The following GALK2 variants were observed in gnomAD, a reference collection of about 807,000 sequenced individuals.
GALK2 encodes N-acetylgalactosamine kinase.
GALK2 carries 36 observed loss-of-function variants against 52.4 expected under a neutral mutation model. The ratio of observed to expected loss-of-function variants is 0.69; its 90% confidence interval spans 0.53 to 0.91. The LOEUF (loss-of-function observed/expected upper bound fraction) is 0.91, where lower values mean the gene tolerates loss of function less well. Ranked by LOEUF, GALK2 falls within the 40% of genes least tolerant of loss-of-function variation. The pLI is 0.00. For synonymous variants in GALK2, 176 were observed against 199.1 expected (o/e 0.88, Z 0.98); for missense variants, 579 against 559.1 (o/e 1.04, Z -0.36).
chr15:49,214,423 C>T lies in GALK2; in HGVS notation c.143-2767C>T, dbSNP rs182669678. ...TCGGCTCACTTCAACCTCTGCCTCC[C>T]GGGTTCAAGCGATTCTCCTGCCTCA... is the stretch of plus-strand genomic sequence containing the variant. On this transcript the variant is annotated intron_variant, in intron 2 of 9. Transcript: ENST00000560031. 1.7e-3 allele frequency among the ~76,000 whole-genome samples: 259 copies of T among 150,122 alleles called. 2 individuals are homozygous for T. Among genetic ancestry groups the T allele is most frequent in the African/African-American group, 5.8e-3 (237 of 40,728 alleles).
At chr15:49,214,881 T>G (rs73392233) in intron 2 of GALK2, among the ~76,000 whole-genome samples, 37,680 of 152,080 alleles carry the variant, frequency 0.25, 4,947 homozygotes, top group African/African-American at 0.31. Context: ...TCAGATTGAA[T>G]AACTCTCTTT....
At chr15:49,311,914 A>G (rs1477759163) in intron 8 of GALK2, among the ~76,000 whole-genome samples, 7 of 152,232 alleles carry the variant, frequency 4.6e-5, no homozygotes, top group Admixed American at 4.6e-4. Context: ...GGCCAATGGT[A>G]GGCACATTCG....
At position 49,328,852 on chromosome 15, in the gene GALK2, T is replaced by C; in HGVS notation, c.*693T>C. 9.6e-6 allele frequency: 13 copies of C among 1,359,232 alleles called. No individual in the cohort carries two copies. The highest frequency in any genetic ancestry group is 1.2e-5 in the Non-Finnish European group (13 of 1,054,854). 84.2% of individuals were successfully genotyped at this position (1,359,232 alleles called of 1,614,324 possible). On this transcript the variant is annotated 3_prime_UTR_variant, in exon 10 of 10. Transcript: ENST00000560031. ...TTGAATATTTGTAAACCATGTAATA[T>C]ATAAATAACCACTTTCAATTCTTTT...
chr15:49,266,165 G>A (rs767722123), intron 5 of GALK2, among the ~76,000 whole-genome samples: 1 of 152,086 alleles, frequency 6.6e-6, no homozygotes, highest in African/African-American at 2.4e-5. Context: ...CATCCTCCAG[G>A]CTAGTCCAGG....
intron 3 of GALK2, among the ~76,000 whole-genome samples, chr15:49,357,256 GA>G (rs2043311086): frequency 6.6e-6 from 1 of 150,482 alleles, no homozygotes; most frequent in South Asian, 2.1e-4. Flanking sequence ...GAAGGAAATA[GA>G]GACACAAAAA....
At chr15:49,351,726 A>G (rs1596398584) in intron 3 of GALK2, among the ~76,000 whole-genome samples, 1 of 150,472 alleles carries the variant, frequency 6.6e-6, no homozygotes, top group East Asian at 1.9e-4. Context: ...TTGAACCCTG[A>G]TAACAGTCCC....
chr15:49,363,531 G>A (rs6493368), intron 3 of GALK2, among the ~76,000 whole-genome samples: 2 of 152,084 alleles, frequency 1.3e-5, no homozygotes, highest in Admixed American at 6.5e-5. Context: ...GGGCAGAGAC[G>A]ATTGGTTTTG....
At chr15:49,292,743 C>CA in intron 8 of GALK2, among the ~76,000 whole-genome samples, 1 of 152,308 alleles carries the variant, frequency 6.6e-6, no homozygotes, top group African/African-American at 2.4e-5. Context: ...GTGAATGAGA[C>CA]ATGATTCCTG....
In GALK2 at chr15:49,328,097, G is replaced by A; in HGVS notation, c.1315G>A (p.Glu439Lys). 1 of 1,614,086 alleles carries A rather than the reference G, an allele frequency of 6.2e-7. No homozygotes were observed. Among genetic ancestry groups the A allele is most frequent in the South Asian group, 1.1e-5 (1 of 91,076 alleles). ...YQRSDGSLAP[E>K]KQSLFATKPG... ...GAGGAGTGATGGAAGCTTAGCACCG[G>A]AGAAGCAAAGTTTGTTTGCTACCAA... Residue 439 changes from glutamate (E) to lysine (K), a missense_variant, in exon 10 of 10, where the codon GAG becomes AAG. Transcript: ENST00000560031.
Position 49,329,660 on chromosome 15 carries a change from G to T in GALK2, c.*1501G>T. On this transcript the variant is annotated 3_prime_UTR_variant, in exon 10 of 10. Coordinates refer to ENST00000560031, the MANE Select transcript of GALK2 (RefSeq NM_002044.4). Reference sequence around the variant, plus strand: ...GCTTGAGAAAGCTTGAGTCAAATTTGTTAAAAGAATTTTGAGTTCTATAAA... The same window carrying T: ...GCTTGAGAAAGCTTGAGTCAAATTTTTTAAAAGAATTTTGAGTTCTATAAA... 4.1e-6 allele frequency: 4 copies of T among 984,152 alleles called. No homozygotes were observed. The highest frequency in any genetic ancestry group is 4.8e-6 in the Non-Finnish European group (4 of 828,864). The allele number at this position is 984,152 out of a possible 1,614,324, so 61.0% of individuals were successfully genotyped here. A position where few individuals can be genotyped will look rare whatever the true frequency, so the allele number is the denominator to read the frequency against.
Position 49,328,271 on chromosome 15 carries a change from C to A in GALK2, c.*112C>A. On this transcript the variant is annotated 3_prime_UTR_variant, in exon 10 of 10. Coordinates refer to ENST00000560031, the MANE Select transcript of GALK2 (RefSeq NM_002044.4). ...TGTTTTGTATTATGATGAACGGTTG[C>A]TATTATATCAAGATATATTTTCAAA... The A allele has an allele frequency of 6.9e-7, 1 of 1,449,920 alleles. No homozygotes were observed. 89.8% of individuals were successfully genotyped at this position (1,449,920 alleles called of 1,614,324 possible).
At chr15:49,282,998 C>A (rs962912815) in intron 6 of GALK2, among the ~76,000 whole-genome samples, 2 of 152,176 alleles carry the variant, frequency 1.3e-5, no homozygotes, top group East Asian at 3.9e-4. Flanking sequence ...CACCATCTGA[C>A]CCCTGCTTTA....
intron 1 of GALK2, among the ~76,000 whole-genome samples, chr15:49,186,250 G>T (rs2086329257): frequency 1.3e-5 from 2 of 151,884 alleles, no homozygotes; most frequent in Non-Finnish European, 2.9e-5. Context: ...TCTTAGACTT[G>T]CCCTTTACAG....
chr15:49,291,021 C>T (rs890587891), intron 7 of GALK2, among the ~76,000 whole-genome samples: 8 of 152,116 alleles, frequency 5.3e-5, no homozygotes, highest in Non-Finnish European at 1.2e-4. Flanking sequence ...AGTGGCATGA[C>T]TTCCGCTCAC....
intron 8 of GALK2, among the ~76,000 whole-genome samples, chr15:49,302,586 G>T (rs1297597695): frequency 3.3e-5 from 5 of 152,172 alleles, no homozygotes; most frequent in African/African-American, 1.2e-4. Flanking sequence ...AAAAGGGTCA[G>T]TTGTTTAGTA....
chr15:49,274,647 A>T (rs78633758), intron 5 of GALK2, among the ~76,000 whole-genome samples: 3 of 152,332 alleles, frequency 2.0e-5, no homozygotes, highest in Middle Eastern at 3.4e-3. Flanking sequence ...ATTAAAAAAA[A>T]TTTTTGACTC....
At position 49,239,314 on chromosome 15, in the gene GALK2, G is replaced by A. The variant is rs1209882861; in HGVS notation, c.451G>A (p.Val151Ile). 6.2e-7 allele frequency: 1 copy of A among 1,614,114 alleles called. No homozygotes were observed. ...TGGCCTCTCCAGCTCCAGTGCTTTG[G>A]TCTGTTGTGCTGGCTTGGTGACGCT... ...SSGLSSSSAL[V>I]CCAGLVTLTV... is the part of the protein sequence containing the mutation. Residue 151 changes from valine (V) to isoleucine (I), a missense_variant, in exon 5 of 10, where the codon GTC becomes ATC. Physicochemically the swap from Val to Ile is conservative, Grantham distance 29 (BLOSUM62 3). Transcript: ENST00000560031.
intron 8 of GALK2, among the ~76,000 whole-genome samples, chr15:49,296,159 C>G (rs62009834): frequency 0.25 from 38,132 of 151,998 alleles, 5,963 homozygotes; most frequent in Non-Finnish European, 0.35. Context: ...GGCATACACA[C>G]TAGGTTTCTT....
intron 7 of GALK2, among the ~76,000 whole-genome samples, chr15:49,290,862 T>G (rs1854351770): frequency 6.6e-6 from 1 of 152,204 alleles, no homozygotes; most frequent in South Asian, 2.1e-4. Context: ...CATACCTCAT[T>G]GAGAACGTGG....
Sources: gnomAD v4.1 joint callset for allele counts (sites outside exome capture counted in the v4.1 genomes callset) on GRCh38, gnomAD v4.1.1 for gene constraint, MANE v1.5 for transcripts, NCBI Gene and HGNC (gene_info 2026-07-23, HGNC 2026-07-21) for gene names.